The following EPHA5 variants were observed in gnomAD, a reference collection of about 807,000 sequenced individuals.
The protein encoded by EPHA5 is EPH receptor A5.
EPHA5 carries 60 observed loss-of-function variants against 105.0 expected under a neutral mutation model. That is an observed-to-expected ratio of 0.57 (90% confidence interval 0.46 to 0.71). The LOEUF is 0.71. EPHA5 is among the 30% of genes least tolerant of loss of function. The pLI is 0.00. For synonymous variants in EPHA5, 513 were observed against 449.1 expected, an observed-to-expected ratio of 1.14 and a Z score of -1.80; for missense variants, 1,218 against 1,274.7, an observed-to-expected ratio of 0.96 and a Z score of 0.68.
chr4:65,511,613 C>A (rs1398347428), intron 3 of EPHA5, among the ~76,000 whole-genome samples: 3 of 152,060 alleles, frequency 2.0e-5, no homozygotes, highest in Admixed American at 6.6e-5. Flanking sequence ...TACTCTATAA[C>A]CCCAATTCTA....
chr4:65,561,698 A>G (rs1739032107), intron 3 of EPHA5, among the ~76,000 whole-genome samples: 2 of 152,104 alleles, frequency 1.3e-5, no homozygotes, highest in East Asian at 3.9e-4. Context: ...CACCAAGTCC[A>G]TGCACCTCCA....
chr4:65,507,282 G>C (rs1010449695), intron 3 of EPHA5, among the ~76,000 whole-genome samples: 9 of 152,212 alleles, frequency 5.9e-5, no homozygotes, highest in South Asian at 2.1e-4. Context: ...TTGTAGTATA[G>C]TTTGAAGTCA....
intron 3 of EPHA5, among the ~76,000 whole-genome samples, chr4:65,547,961 A>T (rs939003012): frequency 1.3e-5 from 2 of 151,992 alleles, no homozygotes; most frequent in Non-Finnish European, 2.9e-5. Context: ...ATAGGTCCTG[A>T]ATCAAAAGAA....
At position 65,351,637 on chromosome 4, in the gene EPHA5, A is replaced by G. The variant is rs1577889979; in HGVS notation, c.2236-39T>C. The G allele has an allele frequency of 2.5e-6, 4 of 1,576,542 alleles. No homozygotes were observed. In the East Asian group the frequency reaches 9.0e-5, roughly 35 times the overall value. On this transcript the variant is annotated intron_variant, in intron 12 of 16. Coordinates refer to ENST00000613740, the MANE Select transcript of EPHA5 (RefSeq NM_001281766.3). ...GTAGAAATATTAGTCTAGCAACACC[A>G]ATCACTGGGGGAAAATATGAGAGGT... is the stretch of plus-strand genomic sequence containing the variant.
intron 7 of EPHA5, among the ~76,000 whole-genome samples, chr4:65,408,309 T>C (rs892666902): frequency 1.3e-5 from 2 of 152,190 alleles, no homozygotes; most frequent in Non-Finnish European, 2.9e-5. Context: ...TTAAGATATA[T>C]ACCTTTAGTT....
chr4:65,355,814 T>C (rs1723246763), intron 11 of EPHA5, among the ~76,000 whole-genome samples: 1 of 151,526 alleles, frequency 6.6e-6, no homozygotes, highest in Non-Finnish European at 1.5e-5. Flanking sequence ...TTTAGAAAGA[T>C]TTCAATCAAT....
chr4:65,518,560 A>T (rs1450226233), intron 3 of EPHA5, among the ~76,000 whole-genome samples: 1 of 152,054 alleles, frequency 6.6e-6, no homozygotes, highest in Non-Finnish European at 1.5e-5. Context: ...CAATCTCTGG[A>T]TATAACAGAA....
intron 1 of EPHA5, among the ~76,000 whole-genome samples, chr4:65,651,913 A>C (rs1322498155): frequency 1.3e-5 from 2 of 152,200 alleles, no homozygotes; most frequent in African/African-American, 4.8e-5. Flanking sequence ...CTCATACAGT[A>C]GTCTACTGAC....
At chr4:65,642,168 A>G (rs947237331) in intron 2 of EPHA5, among the ~76,000 whole-genome samples, 23 of 152,062 alleles carry the variant, frequency 1.5e-4, no homozygotes, top group African/African-American at 4.8e-4. Context: ...CCATCCTCTC[A>G]GAAAGAAAAA....
intron 8 of EPHA5, among the ~76,000 whole-genome samples, chr4:65,392,485 A>G (rs1370069160): frequency 6.6e-6 from 1 of 152,164 alleles, no homozygotes; most frequent in Non-Finnish European, 1.5e-5. Flanking sequence ...TTCTGAAACT[A>G]TACAAGCCTA....
At chr4:65,641,283 A>G (rs1747640593) in intron 2 of EPHA5, among the ~76,000 whole-genome samples, 1 of 152,170 alleles carries the variant, frequency 6.6e-6, no homozygotes, top group South Asian at 2.1e-4. Context: ...AAACCTTGCT[A>G]TCTTTAAAAG....
intron 5 of EPHA5, among the ~76,000 whole-genome samples, chr4:65,474,646 C>G (rs1305941331): frequency 6.6e-6 from 1 of 152,156 alleles, no homozygotes; most frequent in Non-Finnish European, 1.5e-5. Flanking sequence ...CCTCCTCAAG[C>G]TAGATGCTTG....
At chr4:65,625,501 G>T (rs1164735746) in intron 2 of EPHA5, among the ~76,000 whole-genome samples, 1 of 152,048 alleles carries the variant, frequency 6.6e-6, no homozygotes, top group Non-Finnish European at 1.5e-5. Flanking sequence ...TCACATTCAA[G>T]AATAAGATAT....
chr4:65,436,950 T>C (rs1725535464), intron 5 of EPHA5, among the ~76,000 whole-genome samples: 1 of 151,934 alleles, frequency 6.6e-6, no homozygotes, highest in African/African-American at 2.4e-5. Context: ...AATAACATAG[T>C]AGGGAAGAAA....
At chr4:65,443,912 T>C (rs901498957) in intron 5 of EPHA5, among the ~76,000 whole-genome samples, 1 of 151,570 alleles carries the variant, frequency 6.6e-6, no homozygotes, top group Non-Finnish European at 1.5e-5. Context: ...TGCCTGTGTG[T>C]GTGTGTGTGT....
chr4:65,379,942 A>G (rs1186091878), intron 8 of EPHA5, among the ~76,000 whole-genome samples: 1 of 151,786 alleles, frequency 6.6e-6, no homozygotes, highest in Non-Finnish European at 1.5e-5. Context: ...TGGCCCCCTA[A>G]TAACCTTTTA....
intron 3 of EPHA5, among the ~76,000 whole-genome samples, chr4:65,548,504 T>C (rs1234774175): frequency 1.3e-5 from 2 of 152,004 alleles, no homozygotes; most frequent in East Asian, 3.9e-4. Flanking sequence ...TGAGTCAGAA[T>C]TAATGCTTAA....
At chr4:65,564,069 C>T (rs1739287163) in intron 3 of EPHA5, among the ~76,000 whole-genome samples, 1 of 151,560 alleles carries the variant, frequency 6.6e-6, no homozygotes, top group African/African-American at 2.4e-5. Context: ...ATGCTTCACA[C>T]AGTTTTAAAC....
At chr4:65,637,889 T>C (rs1747292210) in intron 2 of EPHA5, among the ~76,000 whole-genome samples, 1 of 152,098 alleles carries the variant, frequency 6.6e-6, no homozygotes, top group African/African-American at 2.4e-5. Context: ...ATGAAATAAT[T>C]ACAGTAAGTC....
Sources: allele counts gnomAD v4.1 joint callset (sites outside exome capture counted in the v4.1 genomes callset), GRCh38; gene constraint gnomAD v4.1.1; transcripts MANE v1.5; gene names NCBI Gene and HGNC (gene_info 2026-07-23, HGNC 2026-07-21).